DCN: variants seen among roughly 807,000 people sequenced by gnomAD.
DCN encodes the protein bone proteoglycan II.
A neutral mutation model predicts 36.5 loss-of-function variants in DCN; 17 were observed. The observed-to-expected ratio is 0.47, with a 90% confidence interval of 0.32 to 0.70. DCN has a LOEUF of 0.70. Ranked by LOEUF, DCN falls within the 30% of genes least tolerant of loss-of-function variation. The pLI is 0.04. For synonymous variants in DCN, 163 were observed against 161.4 expected (o/e 1.01, Z -0.07); for missense variants, 389 against 430.1 (o/e 0.90, Z 0.84).
chr12:91,164,300 G>C (rs1182086359), intron 3 of DCN, among the ~76,000 whole-genome samples: 1 of 149,118 alleles, frequency 6.7e-6, no homozygotes, highest in Non-Finnish European at 1.5e-5. Context: ...GCACCAGCAT[G>C]GCACATGTAT....
chr12:91,178,988 C>T (rs953991956), intron 1 of DCN, among the ~76,000 whole-genome samples: 1 of 152,148 alleles, frequency 6.6e-6, no homozygotes, highest in African/African-American at 2.4e-5. Flanking sequence ...AGAAATATCT[C>T]TGGAAGCCAG....
At chr12:91,173,236 C>T (rs1414340572) in intron 2 of DCN, among the ~76,000 whole-genome samples, 3 of 151,998 alleles carry the variant, frequency 2.0e-5, no homozygotes, top group Non-Finnish European at 4.4e-5. Flanking sequence ...TTTAGCTAAC[C>T]AATTCCCACC....
intron 7 of DCN, among the ~76,000 whole-genome samples, chr12:91,147,953 A>G (rs1336569131): frequency 6.6e-6 from 1 of 152,194 alleles, no homozygotes; most frequent in East Asian, 1.9e-4. Context: ...CCGGAATTAT[A>G]CAAAGAATGT....
intron 2 of DCN, chr12:91,176,609 G>A (rs1204766113): frequency 6.6e-6 from 1 of 152,044 alleles, no homozygotes; most frequent in Non-Finnish European, 1.5e-5. Flanking sequence ...CAAGGTTTAT[G>A]AGCTATTTTT....
At chr12:91,176,624 G>A (rs1232556797) in intron 2 of DCN, 1 of 152,026 alleles carries the variant, frequency 6.6e-6, no homozygotes, top group African/African-American at 2.4e-5. Flanking sequence ...ATTTTTTCAT[G>A]GAAGCAAAGG....
intron 3 of DCN, among the ~76,000 whole-genome samples, chr12:91,163,322 C>A (rs1882282715): frequency 6.6e-6 from 1 of 152,172 alleles, no homozygotes; most frequent in South Asian, 2.1e-4. Context: ...TCATTCTTTG[C>A]CCTTTTTTGG....
chr12:91,155,104 C>T (rs1465191572), intron 5 of DCN, among the ~76,000 whole-genome samples: 6 of 152,092 alleles, frequency 3.9e-5, no homozygotes, highest in East Asian at 3.8e-4. Context: ...ATAAGCATAA[C>T]GATGAATAGA....
intron 2 of DCN, chr12:91,177,339 C>G (rs1883353184): frequency 2.0e-6 from 1 of 490,118 alleles, no homozygotes; most frequent in African/African-American, 2.0e-5. Flanking sequence ...CTTCTGCAAA[C>G]TACTGCTAGA....
chr12:91,178,296 G>A, intron 2 of DCN, 46 bp downstream of exon 2: 1 of 1,543,232 alleles, frequency 6.5e-7, no homozygotes, highest in East Asian at 2.2e-5. Context: ...CCATTCCCAA[G>A]AATAAAACAA....
At chr12:91,172,890 G>C (rs1020227779) in intron 2 of DCN, 1 of 603,918 alleles carries the variant, frequency 1.7e-6, no homozygotes, top group Non-Finnish European at 2.9e-6. Flanking sequence ...AAATAAAATA[G>C]ATATATAAAA....
intron 2 of DCN, chr12:91,176,976 T>C (rs913868150): frequency 2.0e-5 from 3 of 152,380 alleles, no homozygotes; most frequent in Admixed American, 6.5e-5. Flanking sequence ...ATCTCCCCTG[T>C]GGCAAATACA....
At chr12:91,180,291 GAAGAAAGAAAGAAGGAAGGAAGA>G (rs1038609605) in intron 1 of DCN, 4 of 105,328 alleles carry the variant, frequency 3.8e-5, no homozygotes, top group Non-Finnish European at 5.5e-5. Flanking sequence ...TTAAAAAAAA[GAAGAAAGAAAGAAGGAAGGAAGA>G]AAGAAAGAAA....
intron 7 of DCN, among the ~76,000 whole-genome samples, chr12:91,146,633 C>T (rs916480426): frequency 1.3e-5 from 2 of 152,082 alleles, no homozygotes; most frequent in Admixed American, 6.6e-5. Context: ...GGATTACAGG[C>T]GTAAGCCACC....
Position 91,141,767 on chromosome 12 carries a change from C to T in DCN, c.*4291G>A, listed in dbSNP as rs1880761514. ...TGATGGCCTGGAAGCATTCATTCAG[C>T]CCTCACAGTCACTGCAGAATGTGTG... is the stretch of plus-strand genomic sequence containing the variant. On this transcript the variant is annotated 3_prime_UTR_variant, in exon 8 of 8. Coordinates refer to ENST00000052754, the MANE Select transcript of DCN (RefSeq NM_001920.5). 6.6e-6 allele frequency: 1 copy of T among 152,080 alleles called. No individual in the cohort carries two copies. The highest frequency in any genetic ancestry group is 6.5e-5 in the Admixed American group (1 of 15,272). The allele number at this position is 152,080 out of a possible 1,614,324, so 9.4% of individuals were successfully genotyped here.
At chr12:91,170,926 T>C (rs1452581778) in intron 2 of DCN, among the ~76,000 whole-genome samples, 1 of 152,216 alleles carries the variant, frequency 6.6e-6, no homozygotes, top group Admixed American at 6.5e-5. Context: ...TTTTTAACTT[T>C]TAAATAAACA....
intron 2 of DCN, among the ~76,000 whole-genome samples, chr12:91,167,147 T>C (rs1464897501): frequency 6.6e-6 from 1 of 152,156 alleles, no homozygotes. Context: ...TACCTATCTG[T>C]ATCCCCTGAA....
At chr12:91,158,926 C>T (rs1306475187) in intron 3 of DCN, among the ~76,000 whole-genome samples, 1 of 151,284 alleles carries the variant, frequency 6.6e-6, no homozygotes, top group Non-Finnish European at 1.5e-5. Context: ...CACACGACTG[C>T]ACTCCAGCCT....
At chr12:91,153,221 C>A in intron 5 of DCN, 32 bp from the exon 6 acceptor site, 1 of 1,196,192 alleles carries the variant, frequency 8.4e-7, no homozygotes, top group Non-Finnish European at 1.3e-6. Flanking sequence ...GTTAAATTAG[C>A]AGATAAACAT....
chr12:91,166,547 T>A (rs974529449), intron 2 of DCN, among the ~76,000 whole-genome samples: 1 of 152,212 alleles, frequency 6.6e-6, no homozygotes. Flanking sequence ...CTTGGGCACC[T>A]TCATCACAGT....
Sources: gnomAD v4.1 joint callset for allele counts (sites outside exome capture counted in the v4.1 genomes callset) on GRCh38, gnomAD v4.1.1 for gene constraint, MANE v1.5 for transcripts, NCBI Gene and HGNC (gene_info 2026-07-23, HGNC 2026-07-21) for gene names.